PGLYRP2: variants seen among roughly 807,000 people sequenced by gnomAD.
The protein encoded by PGLYRP2 is N-acetylmuramoyl-L-alanine amidase.
A neutral mutation model predicts 46.2 loss-of-function variants in PGLYRP2; 38 were observed. That is an observed-to-expected ratio of 0.82 (90% confidence interval 0.64 to 1.08). PGLYRP2 has a LOEUF of 1.08. Ranked by LOEUF, PGLYRP2 falls within the 50% of genes least tolerant of loss-of-function variation. The pLI is 0.00. For missense variants in PGLYRP2, 713 were observed against 755.9 expected (o/e 0.94, Z 0.67); for synonymous variants, 289 against 329.4 (o/e 0.88, Z 1.33).
At chr19:15,471,848 C>G (rs1483610820) in intron 3 of PGLYRP2, 42 bp downstream of exon 3, 1 of 1,594,354 alleles carries the variant, frequency 6.3e-7, no homozygotes, top group Admixed American at 1.7e-5. Flanking sequence ...ACCCCATCCC[C>G]GAACGTGGGC....
chr19:15,478,538 C>T (rs1421273349), intron 1 of PGLYRP2, among the ~76,000 whole-genome samples: 1 of 151,990 alleles, frequency 6.6e-6, no homozygotes, highest in African/African-American at 2.4e-5. Flanking sequence ...AGATGGTGTC[C>T]CTTTACAGAT....
intron 1 of PGLYRP2, among the ~76,000 whole-genome samples, chr19:15,478,590 G>T (rs1416450388): frequency 1.3e-5 from 2 of 151,480 alleles, no homozygotes; most frequent in African/African-American, 4.9e-5. Flanking sequence ...CCTGCCTAAG[G>T]TCACACAGGA....
chr19:15,472,217 TC>T, intron 2 of PGLYRP2, 117 bp from the exon 3 acceptor site: 2 of 827,914 alleles, frequency 2.4e-6, no homozygotes, highest in Non-Finnish European at 3.8e-6. Context: ...TTGGAAAGGG[TC>T]CAGTCTCACC....
rs997821610 is a variant in PGLYRP2, at chr19:15,471,305, G to C, written c.1343+585C>G. 3.3e-5 allele frequency among the ~76,000 whole-genome samples: 5 copies of C among 151,704 alleles called. No individual in the cohort carries two copies. The East Asian group carries it at 7.8e-4, about 24-fold the overall frequency. Reference sequence around the variant, plus strand: ...TTTTTTTGTATTTTTTAGTAGAGACGGGGTTTCACCGTGTTAGCCAGGATG... The same window carrying C: ...TTTTTTTGTATTTTTTAGTAGAGACCGGGTTTCACCGTGTTAGCCAGGATG... On this transcript the variant is annotated intron_variant, in intron 3 of 4. Coordinates refer to ENST00000340880, the MANE Select transcript of PGLYRP2 (RefSeq NM_052890.4).
rs1168376217 is a variant in PGLYRP2 at position 15,469,746 on chromosome 19, G to A, written c.1527C>T (p.Arg509=). The A allele has an allele frequency of 6.7e-7, 1 of 1,490,396 alleles. No individual in the cohort carries two copies. The highest frequency in any genetic ancestry group is 1.3e-5 in the South Asian group (1 of 74,930). 92.3% of individuals were successfully genotyped at this position (1,490,396 alleles called of 1,614,324 possible). Residue 509 remains arginine (R), a synonymous_variant, in exon 4 of 5, where the codon CGC becomes CGT. Transcript: ENST00000340880. This position sits in a 1 kb window ranked among gnomAD's most constrained non-coding sequence, Gnocchi z 4.9. ...VRDTLPSCAV[R]AGLLRPDYAL... is the part of the protein sequence containing the mutation. ...CGTAGTCTGGCCGCAGGAGGCCGGCGCGCACCGCACAACTCGGGAGCGTGT... is the reference window on the plus strand; with the variant it reads ...CGTAGTCTGGCCGCAGGAGGCCGGCACGCACCGCACAACTCGGGAGCGTGT...
At chr19:15,472,612 G>T (rs1210833560) in intron 2 of PGLYRP2, among the ~76,000 whole-genome samples, 1 of 151,836 alleles carries the variant, frequency 6.6e-6, no homozygotes, top group Non-Finnish European at 1.5e-5. Flanking sequence ...AAAATTGGAG[G>T]TGGGGGCAGG....
chr19:15,477,968 A>G (rs1252366354), intron 1 of PGLYRP2, among the ~76,000 whole-genome samples: 2 of 152,102 alleles, frequency 1.3e-5, no homozygotes, highest in East Asian at 1.9e-4. Flanking sequence ...AGTCTTCACA[A>G]CTCTTGTGAG....
At position 15,471,916 on chromosome 19, in the gene PGLYRP2, C is replaced by G; in HGVS notation, c.1317G>C (p.Thr439=). 1 of 1,614,038 alleles carries G rather than the reference C, an allele frequency of 6.2e-7. No individual in the cohort carries two copies. The highest frequency in any genetic ancestry group is 8.5e-7 in the Non-Finnish European group (1 of 1,179,950). The change falls in exon 3 of 5, where the codon ACG becomes ACC. Residue 439 remains threonine, a synonymous_variant. Coordinates refer to ENST00000340880, the MANE Select transcript of PGLYRP2 (RefSeq NM_052890.4). ...TGTAGCCGATGTCTCCCCAGCCTTG[C>G]GTGTCCTGGTGGTAGCGCTGCATGG... ...MRSMQRYHQD[T]QGWGDIGYSF... is the part of the protein sequence containing the mutation.
intron 1 of PGLYRP2, among the ~76,000 whole-genome samples, chr19:15,477,152 G>A (rs551253461): frequency 6.6e-6 from 1 of 152,224 alleles, no homozygotes; most frequent in East Asian, 1.9e-4. Flanking sequence ...CAGCACTTTC[G>A]GAGGCCGAGG....
intron 2 of PGLYRP2, among the ~76,000 whole-genome samples, chr19:15,473,688 T>G (rs1471763860): frequency 6.6e-6 from 1 of 151,578 alleles, no homozygotes; most frequent in East Asian, 1.9e-4. Flanking sequence ...CCAAAAAGCT[T>G]CTGCACACCA....
chr19:15,470,242 T>TTCCTTCCC (rs1459681803), intron 3 of PGLYRP2, among the ~76,000 whole-genome samples: 10 of 59,972 alleles, frequency 1.7e-4, no homozygotes, highest in African/African-American at 4.6e-4. Context: ...TTTTTTTTCT[T>TTCCTTCCC]TCCTTCCTTC....
intron 1 of PGLYRP2, among the ~76,000 whole-genome samples, chr19:15,478,630 G>GTTTTTTT (rs1165681147): frequency 1.6e-5 from 2 of 128,210 alleles, no homozygotes; most frequent in Non-Finnish European, 3.4e-5. Context: ...ATTTGCCTTT[G>GTTTTTTT]TTTTTTTTTT....
At position 15,472,050 on chromosome 19, in the gene PGLYRP2, C is replaced by T. The variant is rs753054187; in HGVS notation, c.1183G>A (p.Gly395Ser). The T allele has an allele frequency of 6.2e-7, 1 of 1,610,114 alleles. No individual in the cohort carries two copies. The highest frequency in any genetic ancestry group is 8.5e-7 in the Non-Finnish European group (1 of 1,179,884). ...GGCAGCTGCAGCAGCTTCGGGCGGC[C>T]CCGATAAGGCGCCGCTCCCCAGCGG... ...RCRWGAAPYRGRPKLLQLPLG... is the reference protein window; with the variant it reads ...RCRWGAAPYRSRPKLLQLPLG... The change falls in exon 3 of 5, where the codon GGC (glycine) becomes AGC (serine). Residue 395 changes from glycine (G) to serine (S), a missense_variant. Transcript: ENST00000340880.
intron 2 of PGLYRP2, among the ~76,000 whole-genome samples, chr19:15,473,470 CAAAAAAAAAAAAAAAAAAAAAAAA>C (rs56053684): frequency 2.7e-5 from 1 of 36,460 alleles, no homozygotes; most frequent in Non-Finnish European, 4.6e-5. Flanking sequence ...AACTCTGTCT[CAAAAAAAAAAAAAAAAAAAAAAAA>C]AAAAAAAAAA....
chr19:15,475,731 C>T lies in PGLYRP2; in HGVS notation c.939G>A (p.Gly313=). ...TCTGCCGTCGGAAGTTGCTGCGGAA[C>T]CCTGGGTCTCTGGCCACCCCAGCCC... ...YYGAGVARDP[G]FRSNFRRQNG... is the part of the protein sequence containing the mutation. Residue 313 remains glycine, a synonymous_variant, in exon 2 of 5, where the codon GGG becomes GGA. Coordinates refer to ENST00000340880, the MANE Select transcript of PGLYRP2 (RefSeq NM_052890.4). 6.2e-7 allele frequency: 1 copy of T among 1,614,050 alleles called. No individual in the cohort carries two copies. The highest frequency in any genetic ancestry group is 8.5e-7 in the Non-Finnish European group (1 of 1,179,944).
intron 2 of PGLYRP2, among the ~76,000 whole-genome samples, chr19:15,473,208 G>A (rs997952793): frequency 5.3e-5 from 8 of 151,914 alleles, no homozygotes; most frequent in African/African-American, 1.9e-4. Context: ...GCTAGCTCAC[G>A]CCTGTAATCC....
intron 3 of PGLYRP2, among the ~76,000 whole-genome samples, chr19:15,471,421 GT>G (rs143577855): frequency 6.6e-6 from 1 of 151,148 alleles, no homozygotes; most frequent in African/African-American, 2.4e-5. Context: ...GCCTTTTTAA[GT>G]TTTTTTTGTT....
At position 15,476,064 on chromosome 19, in the gene PGLYRP2, G is replaced by A. The variant is rs267605317; in HGVS notation, c.606C>T (p.Ser202=). Residue 202 remains serine, a synonymous_variant, in exon 2 of 5, where the codon TCC becomes TCT. Transcript: ENST00000340880. The stretch of plus-strand genomic sequence containing the variant: ...GGGACTTGGCTTTGGCATCTGGCAA[G>A]GAAGCTTGGACATCTGGACAGCCTT... ...ATKGCPDVQA[S]LPDAKAKSPP... is the part of the protein sequence containing the mutation. 12 of 1,614,204 alleles carry A rather than the reference G, an allele frequency of 7.4e-6. No homozygotes were observed. The East Asian group carries it at 2.5e-4, about 33-fold the overall frequency.
chr19:15,479,288 C>G, intron 1 of PGLYRP2, 23 bp downstream of exon 1: 1 of 1,613,882 alleles, frequency 6.2e-7, no homozygotes, highest in Non-Finnish European at 8.5e-7. Flanking sequence ...GGTTTGGTCC[C>G]AGGACTCTGC....
Sources: allele counts gnomAD v4.1 joint callset (sites outside exome capture counted in the v4.1 genomes callset), GRCh38; gene constraint gnomAD v4.1.1; non-coding constraint Gnocchi (gnomAD v3.1); transcripts MANE v1.5; gene names NCBI Gene and HGNC (gene_info 2026-07-23, HGNC 2026-07-21).